Variants in DPY19L1 observed in about 807,000 individuals in gnomAD.
The protein encoded by DPY19L1 is dpy-19 like C-mannosyltransferase 1.
In DPY19L1, 35 loss-of-function variants were observed where a neutral mutation model predicts 96.9. The ratio of observed to expected loss-of-function variants is 0.36; its 90% CI spans 0.28 to 0.48. DPY19L1 has a LOEUF of 0.48. DPY19L1 is among the 20% of genes least tolerant of loss of function. The pLI is 0.99. For missense variants in DPY19L1, 521 were observed against 777.9 expected, an observed-to-expected ratio of 0.67 and a Z score of 3.93; for synonymous variants, 205 against 252.6, an observed-to-expected ratio of 0.81 and a Z score of 1.79.
At chr7:35,019,318 G>A (rs550681222) in intron 1 of DPY19L1, among the ~76,000 whole-genome samples, 1 of 152,312 alleles carries the variant, frequency 6.6e-6, no homozygotes, top group Non-Finnish European at 1.5e-5. Context: ...GCACATGCCT[G>A]TAGTATCCAT....
intron 3 of DPY19L1, among the ~76,000 whole-genome samples, 161 bp downstream of exon 3, chr7:35,017,721 T>C (rs1785894277): frequency 6.6e-6 from 1 of 151,178 alleles, no homozygotes; most frequent in Non-Finnish European, 1.5e-5. Flanking sequence ...ACATAGTGAG[T>C]GGGGGTGTAG....
chr7:34,960,722 G>A (rs1484949876), intron 10 of DPY19L1, among the ~76,000 whole-genome samples: 1 of 152,102 alleles, frequency 6.6e-6, no homozygotes, highest in African/African-American at 2.4e-5. Context: ...CATTTTATGT[G>A]ATACTAGTTT....
At chr7:35,035,971 A>C (rs1381333784) in intron 1 of DPY19L1, among the ~76,000 whole-genome samples, 1 of 151,892 alleles carries the variant, frequency 6.6e-6, no homozygotes, top group Non-Finnish European at 1.5e-5. Context: ...AAGAAAAACA[A>C]ACTTGGTTTT....
At chr7:35,022,357 C>G (rs1487048702) in intron 1 of DPY19L1, among the ~76,000 whole-genome samples, 1 of 152,168 alleles carries the variant, frequency 6.6e-6, no homozygotes, top group Non-Finnish European at 1.5e-5. Context: ...AATCACAATC[C>G]TTATGGCTAA....
intron 2 of DPY19L1, 70 bp downstream of exon 2, chr7:35,018,502 G>A: frequency 3.7e-6 from 5 of 1,348,344 alleles, no homozygotes; most frequent in Middle Eastern, 1.9e-4. Flanking sequence ...TCCTTTAAAT[G>A]TATGGGAAAT....
At chr7:34,933,325 A>G (rs563318025) in intron 21 of DPY19L1, among the ~76,000 whole-genome samples, 2 of 152,344 alleles carry the variant, frequency 1.3e-5, no homozygotes, top group South Asian at 4.1e-4. Flanking sequence ...AGTCCGTACC[A>G]TTATTATGCT....
chr7:35,035,839 G>A (rs1291960147), intron 1 of DPY19L1, among the ~76,000 whole-genome samples: 3 of 151,722 alleles, frequency 2.0e-5, no homozygotes, highest in African/African-American at 2.4e-5. Context: ...CCACTGTATC[G>A]TGCTGCCTCC....
intron 6 of DPY19L1, among the ~76,000 whole-genome samples, chr7:34,996,894 C>G (rs1291389462): frequency 6.6e-6 from 1 of 152,144 alleles, no homozygotes; most frequent in Non-Finnish European, 1.5e-5. Context: ...TGCAGAGCAG[C>G]CTGGGAGCAA....
chr7:34,968,050 C>T (rs1364591484), intron 9 of DPY19L1, among the ~76,000 whole-genome samples: 1 of 152,062 alleles, frequency 6.6e-6, no homozygotes, highest in African/African-American at 2.4e-5. Flanking sequence ...TCCCTTTTCA[C>T]CCCAAGGGCT....
At position 35,023,292 on chromosome 7, in the gene DPY19L1, T is replaced by C. The variant is rs114630672; in HGVS notation, c.299-4696A>G. On this transcript the variant is annotated intron_variant, in intron 1 of 21. Transcript: ENST00000638088. The stretch of plus-strand genomic sequence containing the variant: ...ACTGGGAAGTACGAATGCTGGGATC[T>C]GTAATTTTAAGATTCCCCAGTTGAG... Among the ~76,000 whole-genome samples the C allele has an allele frequency of 5.8e-3, 884 of 152,288 alleles. 10 individuals carry two copies. Among genetic ancestry groups the C allele is most frequent in the African/African-American group, 0.02 (824 of 41,554 alleles).
At chr7:34,959,196 A>T (rs1162830472) in intron 10 of DPY19L1, among the ~76,000 whole-genome samples, 1 of 152,242 alleles carries the variant, frequency 6.6e-6, no homozygotes, top group Non-Finnish European at 1.5e-5. Context: ...AATGGCGATC[A>T]TTAAAAAGTC....
chr7:34,948,529 T>C (rs1007646394), intron 14 of DPY19L1, among the ~76,000 whole-genome samples: 8 of 152,186 alleles, frequency 5.3e-5, no homozygotes, highest in South Asian at 2.1e-4. Context: ...AGGAATGGTA[T>C]GCTGGAAACA....
intron 11 of DPY19L1, among the ~76,000 whole-genome samples, chr7:34,957,296 C>T (rs1434942443): frequency 6.6e-6 from 1 of 152,072 alleles, no homozygotes; most frequent in Non-Finnish European, 1.5e-5. Flanking sequence ...GCAGGAGAAA[C>T]GCTTGAACCT....
intron 6 of DPY19L1, among the ~76,000 whole-genome samples, chr7:34,994,780 T>C (rs897784225): frequency 1.3e-5 from 2 of 149,924 alleles, no homozygotes; most frequent in Non-Finnish European, 3.0e-5. Flanking sequence ...CTCCAGCCTG[T>C]GCGACAGAGC....
chr7:35,004,653 A>T (rs1785509331), intron 6 of DPY19L1, among the ~76,000 whole-genome samples: 1 of 152,262 alleles, frequency 6.6e-6, no homozygotes, highest in Non-Finnish European at 1.5e-5. Context: ...CACATAAAAA[A>T]GTATTTTACT....
intron 1 of DPY19L1, among the ~76,000 whole-genome samples, chr7:35,027,180 G>A (rs1474741976): frequency 2.6e-5 from 4 of 151,858 alleles, no homozygotes; most frequent in Non-Finnish European, 5.9e-5. Context: ...CTCCAGCCTG[G>A]GCAACAAGAG....
chr7:34,934,421 A>C (rs1783822111), intron 21 of DPY19L1, among the ~76,000 whole-genome samples: 1 of 152,192 alleles, frequency 6.6e-6, no homozygotes, highest in Non-Finnish European at 1.5e-5. Flanking sequence ...CTGTTTTTAA[A>C]AGCTGCTAGT....
At chr7:35,022,289 CCTATT>C (rs1262330205) in intron 1 of DPY19L1, among the ~76,000 whole-genome samples, 1 of 152,024 alleles carries the variant, frequency 6.6e-6, no homozygotes, top group Non-Finnish European at 1.5e-5. Flanking sequence ...AAAATCCAAA[CCTATT>C]CTATAAGAAA....
At chr7:35,012,937 T>C (rs1234526492) in intron 4 of DPY19L1, among the ~76,000 whole-genome samples, 2 of 145,216 alleles carry the variant, frequency 1.4e-5, no homozygotes, top group Non-Finnish European at 3.1e-5. Flanking sequence ...TATATACATA[T>C]ATAGAGAACA....
Sources: allele counts gnomAD v4.1 joint callset (sites outside exome capture counted in the v4.1 genomes callset), GRCh38; gene constraint gnomAD v4.1.1; transcripts MANE v1.5; gene names NCBI Gene and HGNC (gene_info 2026-07-23, HGNC 2026-07-21).